Variants in TOP1 observed in about 807,000 individuals in gnomAD.
TOP1 encodes the protein DNA topoisomerase I, also known as DNA topoisomerase 1.
TOP1 carries 10 observed loss-of-function variants against 111.1 expected under a neutral mutation model. The ratio of observed to expected loss-of-function variants is 0.09; its 90% CI spans 0.06 to 0.15. TOP1 has a LOEUF of 0.15. Among genes scored for constraint, TOP1 ranks in the 10% least tolerant of loss-of-function variants. The pLI, the probability that TOP1 is intolerant of heterozygous loss-of-function variation, is 1.00. For missense variants in TOP1, 474 were observed against 926.7 expected, an observed-to-expected ratio of 0.51 and a Z score of 6.34; for synonymous variants, 271 against 302.9, an observed-to-expected ratio of 0.89 and a Z score of 1.10.
chr20:41,105,148 T>C (rs1203276011), intron 13 of TOP1, among the ~76,000 whole-genome samples: 1 of 152,218 alleles, frequency 6.6e-6, no homozygotes, highest in Non-Finnish European at 1.5e-5. Flanking sequence ...TCGGTCTTTT[T>C]ATTCTCATAC....
intron 7 of TOP1, 75 bp downstream of exon 7, chr20:41,081,315 C>T (rs921872502): frequency 3.9e-5 from 59 of 1,494,228 alleles, no homozygotes; most frequent in Admixed American, 1.7e-4. Flanking sequence ...CTTCTTAAGA[C>T]AAATGAGTTT....
chr20:41,091,786 G>A (rs188828148), intron 8 of TOP1, among the ~76,000 whole-genome samples: 8 of 152,040 alleles, frequency 5.3e-5, no homozygotes, highest in Middle Eastern at 3.4e-3. Flanking sequence ...CCTGGATCAC[G>A]ACCTCCTGAC....
Position 41,029,421 on chromosome 20 carries a change from C to T in TOP1, c.34-10C>T, listed in dbSNP as rs774563612. ...CTGTTGTTTGATATTCTCTCCTTTT[C>T]TTTTTCCAGATCGAAGCGGATTTCC... On this transcript the variant is annotated splice_polypyrimidine_tract_variant and intron_variant, in intron 1 of 20. Transcript: ENST00000361337. The surrounding 1 kb of genome is among the most constrained non-coding windows in gnomAD (Gnocchi z 6.1). 1.3e-6 allele frequency: 2 copies of T among 1,483,810 alleles called. No homozygotes were observed. The highest frequency in any genetic ancestry group is 2.6e-5 in the East Asian group (1 of 37,910). 91.9% of individuals were successfully genotyped at this position (1,483,810 alleles called of 1,614,324 possible). A position where few individuals can be genotyped will look rare whatever the true frequency, so the allele number is the denominator to read the frequency against.
chr20:41,120,638 T>G (rs1008554484), intron 18 of TOP1, among the ~76,000 whole-genome samples: 1 of 152,230 alleles, frequency 6.6e-6, no homozygotes, highest in African/African-American at 2.4e-5. Flanking sequence ...GTCTCTTCCC[T>G]TATAGATATG....
intron 3 of TOP1, among the ~76,000 whole-genome samples, chr20:41,066,559 T>TTTC (rs1555804122): frequency 4.1e-5 from 6 of 144,662 alleles, no homozygotes; most frequent in African/African-American, 1.5e-4. Context: ...TTTCTTTTCT[T>TTTC]TTTTTTTTTT....
chr20:41,069,114 T>C lies in TOP1; in HGVS notation c.156-7057T>C, dbSNP rs1188369622. The stretch of plus-strand genomic sequence containing the variant: ...ATCTGAGAATAAGGATGCTTTTGGC[T>C]TCTGCTTTCCTTTTAGTTCCAAATC... On this transcript the variant is annotated intron_variant, in intron 3 of 20. Coordinates refer to ENST00000361337, the MANE Select transcript of TOP1 (RefSeq NM_003286.4). The surrounding 1 kb of genome is among the most constrained non-coding windows in gnomAD (Gnocchi z 4.1). 6.6e-6 allele frequency among the ~76,000 whole-genome samples: 1 copy of C among 152,248 alleles called. No individual in the cohort carries two copies. The highest frequency in any genetic ancestry group is 1.5e-5 in the Non-Finnish European group (1 of 68,038).
rs1262433578 is a variant in TOP1 at position 41,123,298 on chromosome 20, CCAGTCTCAAGAGG to C, written c.*5_*17del. ...GGCTGATGAAGACTATGAGTTTTAG[CCAGTCTCAAGAGG>C]CAGAGTTCTGTGAAGAGGAACAGTG... On this transcript the variant is annotated 3_prime_UTR_variant, in exon 21 of 21. Coordinates refer to ENST00000361337, the MANE Select transcript of TOP1 (RefSeq NM_003286.4). The surrounding 1 kb of genome is among the most constrained non-coding windows in gnomAD (Gnocchi z 5.8). 1 of 1,607,644 alleles carries C rather than the reference CCAGTCTCAAGAGG, an allele frequency of 6.2e-7. No individual in the cohort carries two copies. The highest frequency in any genetic ancestry group is 8.5e-7 in the Non-Finnish European group (1 of 1,174,224).
intron 2 of TOP1, among the ~76,000 whole-genome samples, chr20:41,059,885 A>G (rs1346184294): frequency 6.6e-6 from 1 of 152,212 alleles, no homozygotes; most frequent in Non-Finnish European, 1.5e-5. Flanking sequence ...ATACTTCACC[A>G]AAGAAGGTAT....
At chr20:41,049,040 C>T (rs2033368716) in intron 2 of TOP1, among the ~76,000 whole-genome samples, 1 of 152,110 alleles carries the variant, frequency 6.6e-6, no homozygotes, top group Non-Finnish European at 1.5e-5. Flanking sequence ...AATTTAAATG[C>T]GGAAGTGGCC....
rs1054788143 is a variant in TOP1 at position 41,114,338 on chromosome 20, C to T, written c.1638+183C>T. On this transcript the variant is annotated intron_variant, in intron 15 of 20. Coordinates refer to ENST00000361337, the MANE Select transcript of TOP1 (RefSeq NM_003286.4). The surrounding 1 kb of genome is among the most constrained non-coding windows in gnomAD (Gnocchi z 4.5). ...CTGAGACAGGAGGATCACTGGAGAC[C>T]AAAAGTTTGAGGCTGTAGTGTGCTG... is the stretch of plus-strand genomic sequence containing the variant. Among the ~76,000 whole-genome samples the T allele has an allele frequency of 1.3e-5, 2 of 152,194 alleles. No homozygotes were observed. Among genetic ancestry groups the T allele is most frequent in the African/African-American group, 4.8e-5 (2 of 41,448 alleles).
chr20:41,036,911 A>G (rs1192267621), intron 2 of TOP1, among the ~76,000 whole-genome samples: 46 of 148,400 alleles, frequency 3.1e-4, no homozygotes, highest in Admixed American at 6.9e-5. Context: ...GCTCACTGCA[A>G]GCTCCGCCTC....
rs562980250 is a variant in TOP1 at position 41,032,288 on chromosome 20, G to T, written c.58+2833G>T. Among the ~76,000 whole-genome samples, 18 of 151,140 alleles carry T rather than the reference G, an allele frequency of 1.2e-4. No homozygotes were observed. Among genetic ancestry groups the T allele is most frequent in the Middle Eastern group, 3.4e-3 (1 of 292 alleles). Reference sequence around the variant, plus strand: ...CTCATTCTTCGCAATATTTAAAATTGTAGCTCTTTGCATGTAATTTAGAAC... The same window carrying T: ...CTCATTCTTCGCAATATTTAAAATTTTAGCTCTTTGCATGTAATTTAGAAC... On this transcript the variant is annotated intron_variant, in intron 2 of 20. Transcript: ENST00000361337. The surrounding 1 kb of genome is among the most constrained non-coding windows in gnomAD (Gnocchi z 4.3).
chr20:41,111,950 C>A (rs2034249480), intron 13 of TOP1, among the ~76,000 whole-genome samples: 1 of 152,132 alleles, frequency 6.6e-6, no homozygotes, highest in African/African-American at 2.4e-5. Context: ...CAGAAGTCTT[C>A]TTCACTATTG....
Position 41,028,966 on chromosome 20 carries a change from C to T in TOP1, c.-102C>T, listed in dbSNP as rs1159870843. On this transcript the variant is annotated 5_prime_UTR_variant, in exon 1 of 21. Transcript: ENST00000361337. ...AGTCACCGCCGCTTACCTGCGCCTC[C>T]TCGAGCCTCCGGAGTCCCCGTCCGC... The T allele has an allele frequency of 1.9e-6, 2 of 1,027,068 alleles. No homozygotes were observed. Among genetic ancestry groups the T allele is most frequent in the Non-Finnish European group, 2.9e-6 (2 of 695,910 alleles). The allele number at this position is 1,027,068 out of a possible 1,614,324, so 63.6% of individuals were successfully genotyped here. A position where few individuals can be genotyped will look rare whatever the true frequency, so the allele number is the denominator to read the frequency against.
chr20:41,107,812 C>A (rs1173123850), intron 13 of TOP1, among the ~76,000 whole-genome samples: 1 of 151,916 alleles, frequency 6.6e-6, no homozygotes, highest in Admixed American at 6.6e-5. Flanking sequence ...TCTTTTCTTT[C>A]CCTTCTTCTC....
At position 41,121,614 on chromosome 20, in the gene TOP1, A is replaced by C; in HGVS notation, c.1951-82A>C. 1 of 1,066,214 alleles carries C rather than the reference A, an allele frequency of 9.4e-7. No individual in the cohort carries two copies. The highest frequency in any genetic ancestry group is 1.5e-6 in the Non-Finnish European group (1 of 684,066). The allele number at this position is 1,066,214 out of a possible 1,614,324, so 66.0% of individuals were successfully genotyped here. A position where few individuals can be genotyped will look rare whatever the true frequency, so the allele number is the denominator to read the frequency against. ...ACCACTGACAGAGACAGCCTGGTCC[A>C]GATAACATCTTGGTTTCACCTTCTC... On this transcript the variant is annotated intron_variant, in intron 18 of 20. Coordinates refer to ENST00000361337, the MANE Select transcript of TOP1 (RefSeq NM_003286.4). The surrounding 1 kb of genome is among the most constrained non-coding windows in gnomAD (Gnocchi z 4.2).
chr20:41,031,460 G>T (rs751904720), intron 2 of TOP1, among the ~76,000 whole-genome samples: 8 of 152,196 alleles, frequency 5.3e-5, no homozygotes, highest in Non-Finnish European at 1.0e-4. Context: ...TTGTGAGCTG[G>T]CTAGGTTATT....
chr20:41,069,418 A>C lies in TOP1; in HGVS notation c.156-6753A>C, dbSNP rs2033644921. Among the ~76,000 whole-genome samples, 1 of 152,224 alleles carries C rather than the reference A, an allele frequency of 6.6e-6. No homozygotes were observed. The highest frequency in any genetic ancestry group is 2.4e-5 in the African/African-American group (1 of 41,460). On this transcript the variant is annotated intron_variant, in intron 3 of 20. Coordinates refer to ENST00000361337, the MANE Select transcript of TOP1 (RefSeq NM_003286.4). This position sits in a 1 kb window ranked among gnomAD's most constrained non-coding sequence, Gnocchi z 4.1. ...TACCACCACCATTCACATGGGAGTC[A>C]GTATGATATATTGAATAGCACACTA...
chr20:41,089,762 C>G (rs1228398149), intron 8 of TOP1, among the ~76,000 whole-genome samples: 1 of 151,964 alleles, frequency 6.6e-6, no homozygotes, highest in Non-Finnish European at 1.5e-5. Flanking sequence ...CTACCAGGAC[C>G]ACACGAGGGT....
Sources: allele counts gnomAD v4.1 joint callset (sites outside exome capture counted in the v4.1 genomes callset), GRCh38; gene constraint gnomAD v4.1.1; non-coding constraint Gnocchi (gnomAD v3.1); transcripts MANE v1.5; gene names NCBI Gene and HGNC (gene_info 2026-07-23, HGNC 2026-07-21).